Variants in GCNT1 observed in about 807,000 individuals in gnomAD.
The protein encoded by GCNT1 is beta-1,3-galactosyl-O-glycosyl-glycoprotein beta-1,6-N-acetylglucosaminyltransferase.
GCNT1 carries 16 observed loss-of-function variants against 26.2 expected under a neutral mutation model. The ratio of observed to expected loss-of-function variants is 0.61; its 90% confidence interval spans 0.41 to 0.93. The LOEUF is 0.93. Ranked by LOEUF, GCNT1 falls within the 40% of genes least tolerant of loss-of-function variation. GCNT1 has a pLI of 0.00. For synonymous variants in GCNT1, 183 were observed against 190.8 expected (o/e 0.96, Z 0.34); for missense variants, 477 against 526.7 (o/e 0.91, Z 0.92).
chr9:76,426,668 G>C (rs555824972), intron 1 of GCNT1, among the ~76,000 whole-genome samples: 178 of 152,318 alleles, frequency 1.2e-3, no homozygotes, highest in Non-Finnish European at 1.8e-3. Flanking sequence ...GGCTAAGGCA[G>C]GTGGATCACC....
chr9:76,481,312 A>G (rs910678405), intron 2 of GCNT1, among the ~76,000 whole-genome samples: 1 of 151,884 alleles, frequency 6.6e-6, no homozygotes, highest in Non-Finnish European at 1.5e-5. Context: ...CTGCTTGATC[A>G]AGACTTTAGG....
chr9:76,397,655 G>C, the GCNT1 span, among the ~76,000 whole-genome samples: 2 of 152,068 alleles, frequency 1.3e-5, no homozygotes, highest in African/African-American at 4.8e-5. Context: ...TGTTGGCCAG[G>C]CTGTTCTGGA....
At chr9:76,408,578 A>T in the GCNT1 span, among the ~76,000 whole-genome samples, 1 of 152,152 alleles carries the variant, frequency 6.6e-6, no homozygotes, top group Non-Finnish European at 1.5e-5. Context: ...ATCTATATTC[A>T]TGAGATACTG....
At chr9:76,461,490 G>A (rs533742655) in intron 2 of GCNT1, among the ~76,000 whole-genome samples, 2 of 151,564 alleles carry the variant, frequency 1.3e-5, no homozygotes, top group South Asian at 2.1e-4. Flanking sequence ...AGGCTGAGAC[G>A]GAGAATTGCT....
chr9:76,484,118 C>G (rs750397870), intron 2 of GCNT1, among the ~76,000 whole-genome samples: 1 of 152,150 alleles, frequency 6.6e-6, no homozygotes, highest in Admixed American at 6.5e-5. Context: ...TGGTGGCTCA[C>G]GCCTGTAATC....
chr9:76,442,745 G>C (rs1823501008), intron 1 of GCNT1, among the ~76,000 whole-genome samples: 1 of 152,096 alleles, frequency 6.6e-6, no homozygotes, highest in African/African-American at 2.4e-5. Flanking sequence ...GAAGTAGTAA[G>C]AGAAATGTGA....
intron 2 of GCNT1, among the ~76,000 whole-genome samples, chr9:76,475,063 C>T (rs1824222830): frequency 6.6e-6 from 1 of 152,230 alleles, no homozygotes; most frequent in Admixed American, 6.5e-5. Flanking sequence ...AGGTGCCCGC[C>T]ACCACGCCCG....
chr9:76,427,252 AGT>A (rs1241109933), intron 1 of GCNT1, among the ~76,000 whole-genome samples: 1 of 145,720 alleles, frequency 6.9e-6, no homozygotes, highest in Non-Finnish European at 1.5e-5. Context: ...GCTGGAGTGT[AGT>A]GGCACAGTCT....
chr9:76,461,832 T>G (rs1823877468), intron 2 of GCNT1, among the ~76,000 whole-genome samples: 1 of 152,166 alleles, frequency 6.6e-6, no homozygotes, highest in African/African-American at 2.4e-5. Flanking sequence ...GAGGTTAGGA[T>G]GAGCAGGGAT....
chr9:76,440,784 T>G (rs976598941), upstream of GCNT1, among the ~76,000 whole-genome samples: 2 of 152,034 alleles, frequency 1.3e-5, no homozygotes, highest in African/African-American at 4.8e-5. Context: ...TGCCTATGCC[T>G]GCCGGGTGCA....
intron 2 of GCNT1, among the ~76,000 whole-genome samples, chr9:76,488,132 C>T (rs72747364): frequency 0.082 from 12,546 of 152,190 alleles, 574 homozygotes; most frequent in Middle Eastern, 0.17. Flanking sequence ...TCCCCCCTCC[C>T]CTGAAAGTAT....
At chr9:76,466,248 G>C (rs1475492930) in intron 2 of GCNT1, among the ~76,000 whole-genome samples, 1 of 152,144 alleles carries the variant, frequency 6.6e-6, no homozygotes, top group Non-Finnish European at 1.5e-5. Flanking sequence ...ATGATGTTTT[G>C]TTTTGTTTCA....
At chr9:76,446,031 C>T (rs546025479) in intron 1 of GCNT1, among the ~76,000 whole-genome samples, 108 of 152,148 alleles carry the variant, frequency 7.1e-4, no homozygotes, top group Non-Finnish European at 1.2e-3. Context: ...ATAATTTGCT[C>T]TGTTGGTGAG....
the GCNT1 span, among the ~76,000 whole-genome samples, chr9:76,404,509 C>T: frequency 6.6e-6 from 1 of 152,150 alleles, no homozygotes; most frequent in African/African-American, 2.4e-5. Flanking sequence ...AGGGGAAGCC[C>T]ATTTCCTCTC....
upstream of GCNT1, among the ~76,000 whole-genome samples, chr9:76,456,979 A>C (rs1823767852): frequency 6.6e-6 from 1 of 152,222 alleles, no homozygotes; most frequent in South Asian, 2.1e-4. Context: ...TGTCACATAC[A>C]CAAACAAAAT....
chr9:76,437,723 C>A (rs1211063912), upstream of GCNT1, among the ~76,000 whole-genome samples: 1 of 152,014 alleles, frequency 6.6e-6, no homozygotes, highest in Non-Finnish European at 1.5e-5. Flanking sequence ...GTAACAAGAT[C>A]ATTTTCATAA....
intron 2 of GCNT1, among the ~76,000 whole-genome samples, chr9:76,462,792 G>T (rs1823902102): frequency 1.3e-5 from 2 of 152,132 alleles, no homozygotes; most frequent in Admixed American, 1.3e-4. Flanking sequence ...AATGGCCAAT[G>T]TGTCCTGCCA....
intron 2 of GCNT1, among the ~76,000 whole-genome samples, chr9:76,479,507 T>A (rs1288005927): frequency 1.3e-5 from 2 of 152,202 alleles, no homozygotes. Flanking sequence ...TTTCTCCACA[T>A]CCTCTCCAGC....
intron 2 of GCNT1, among the ~76,000 whole-genome samples, chr9:76,475,014 C>T (rs1369028718): frequency 6.6e-6 from 1 of 152,136 alleles, no homozygotes; most frequent in Non-Finnish European, 1.5e-5. Context: ...TCGGTTCAAG[C>T]GATTCTCCTG....
Sources: gnomAD v4.1 joint callset for allele counts (sites outside exome capture counted in the v4.1 genomes callset) on GRCh38, gnomAD v4.1.1 for gene constraint, MANE v1.5 for transcripts, NCBI Gene and HGNC (gene_info 2026-07-23, HGNC 2026-07-21) for gene names.